Variants in DMD observed in about 807,000 individuals in gnomAD.
The protein encoded by DMD is mutant dystrophin.
Under a neutral mutation model 330.1 loss-of-function variants are expected in DMD, and 63 were observed. The observed-to-expected ratio is 0.19, with a 90% confidence interval of 0.16 to 0.24. The LOEUF (loss-of-function observed/expected upper bound fraction) is 0.24, where lower values mean the gene tolerates loss of function less well. Among genes scored for constraint, DMD ranks in the 10% least tolerant of loss-of-function variants. The pLI, the probability that DMD is intolerant of heterozygous loss-of-function variation, is 1.00. For synonymous variants in DMD, 1,223 were observed against 959.8 expected, an observed-to-expected ratio of 1.27 and a Z score of -5.07; for missense variants, 3,344 against 2,684.1, an observed-to-expected ratio of 1.25 and a Z score of -5.43.
At chrX:32,016,155 T>C (rs150091884) in intron 44 of DMD, among the ~76,000 whole-genome samples, 90 of 112,106 alleles carry the variant, frequency 8.0e-4, no homozygotes, top group Non-Finnish European at 6.2e-4. Context: ...CATGAAATCT[T>C]AAAGAAGAGA....
intron 22 of DMD, among the ~76,000 whole-genome samples, chrX:32,471,874 T>C (rs2040667667): frequency 8.9e-6 from 1 of 111,995 alleles, no homozygotes; most frequent in Admixed American, 9.5e-5. Context: ...CAATGGTTTT[T>C]CTAATAATCA....
At chrX:32,364,291 G>T (rs2097846936) in intron 36 of DMD, among the ~76,000 whole-genome samples, 1 of 112,045 alleles carries the variant, frequency 8.9e-6, no homozygotes, top group Non-Finnish European at 1.9e-5. Context: ...ATTGACAAAG[G>T]CAGAAATTTG....
At chrX:31,901,938 A>AT (rs11327313) in intron 47 of DMD, among the ~76,000 whole-genome samples, 1 of 110,677 alleles carries the variant, frequency 9.0e-6, no homozygotes, top group Non-Finnish European at 1.9e-5. Context: ...CATTCTTATC[A>AT]TTTTTTTATG....
intron 44 of DMD, among the ~76,000 whole-genome samples, chrX:32,016,693 T>C (rs1395730449): frequency 8.9e-6 from 1 of 112,447 alleles, no homozygotes; most frequent in East Asian, 2.8e-4. Context: ...TGATCATCAG[T>C]GATCATTTCA....
intron 2 of DMD, among the ~76,000 whole-genome samples, chrX:32,895,100 C>T (rs1038470040): frequency 4.5e-5 from 5 of 111,733 alleles, no homozygotes; most frequent in Non-Finnish European, 7.5e-5. Flanking sequence ...TTTCTTTACA[C>T]GGGCCACCGG....
At chrX:32,731,722 T>A (rs945067431) in intron 7 of DMD, among the ~76,000 whole-genome samples, 1 of 111,508 alleles carries the variant, frequency 9.0e-6, no homozygotes, top group Admixed American at 9.5e-5. Flanking sequence ...GAAGGAAAAC[T>A]AACAAACAGA....
chrX:32,820,130 C>T (rs983839560), intron 5 of DMD, among the ~76,000 whole-genome samples: 5 of 112,072 alleles, frequency 4.5e-5, no homozygotes, highest in Admixed American at 9.5e-5. Flanking sequence ...ATTGCAAAAG[C>T]GCCTCCACAT....
At chrX:32,927,456 C>A (rs1356678851) in intron 2 of DMD, among the ~76,000 whole-genome samples, 1 of 101,615 alleles carries the variant, frequency 9.8e-6, no homozygotes, top group African/African-American at 3.7e-5. Context: ...ACAACCTCCG[C>A]CTTTTAGTGG....
At chrX:31,425,266 C>G (rs2063636694) in intron 60 of DMD, among the ~76,000 whole-genome samples, 1 of 112,316 alleles carries the variant, frequency 8.9e-6, no homozygotes, top group African/African-American at 3.2e-5. Flanking sequence ...GGCACTTTTT[C>G]TACAATGGCT....
intron 45 of DMD, among the ~76,000 whole-genome samples, chrX:31,963,748 A>G (rs1465592161): frequency 9.3e-6 from 1 of 107,607 alleles, no homozygotes; most frequent in Non-Finnish European, 1.9e-5. Context: ...ATAAATAAAA[A>G]TTTATGAGTC....
At chrX:32,400,053 C>T (rs1457694984) in intron 30 of DMD, among the ~76,000 whole-genome samples, 3 of 111,404 alleles carry the variant, frequency 2.7e-5, no homozygotes, top group Non-Finnish European at 5.7e-5. Flanking sequence ...AAAGGGAATG[C>T]TTCCGGTTTT....
chrX:31,293,218 T>TGTGGTCTGGTTTA (rs1569519895), intron 62 of DMD, among the ~76,000 whole-genome samples: 1 of 95,879 alleles, frequency 1.0e-5, no homozygotes, highest in African/African-American at 4.4e-5. Flanking sequence ...TGTGTGTGTG[T>TGTGGTCTGGTTTA]GTGTGTGTGT....
intron 45 of DMD, among the ~76,000 whole-genome samples, chrX:31,939,358 C>T (rs1198561190): frequency 8.9e-6 from 1 of 111,758 alleles, no homozygotes; most frequent in Non-Finnish European, 1.9e-5. Context: ...GATAATATAT[C>T]AAGATTTCTC....
At chrX:31,203,318 A>AT (rs1234100473) in intron 67 of DMD, among the ~76,000 whole-genome samples, 2 of 108,376 alleles carry the variant, frequency 1.8e-5, no homozygotes, top group Non-Finnish European at 3.8e-5. Flanking sequence ...AAGAGAAAAA[A>AT]AAATTAGAAC....
chrX:32,050,830 T>C (rs2096105995), intron 44 of DMD, among the ~76,000 whole-genome samples: 1 of 111,339 alleles, frequency 9.0e-6, no homozygotes, highest in Non-Finnish European at 1.9e-5. Context: ...TAAAAACACA[T>C]TGAATTTCTT....
chrX:31,962,600 T>C (rs1368482440), intron 45 of DMD, among the ~76,000 whole-genome samples: 2 of 112,031 alleles, frequency 1.8e-5, no homozygotes, highest in East Asian at 5.6e-4. Context: ...AATATAGTAA[T>C]GAGTGCCTAG....
At chrX:31,156,976 T>TC (rs1406896352) in intron 74 of DMD, among the ~76,000 whole-genome samples, 7 of 112,111 alleles carry the variant, frequency 6.2e-5, no homozygotes, top group African/African-American at 2.3e-4. Context: ...TGTGCCTTAG[T>TC]AAAGTTTATC....
chrX:32,395,606 C>G (rs901178246), intron 30 of DMD, among the ~76,000 whole-genome samples: 1 of 111,580 alleles, frequency 9.0e-6, no homozygotes, highest in Non-Finnish European at 1.9e-5. Flanking sequence ...AACCCATGCT[C>G]TGTGATCAGA....
At chrX:32,243,483 G>A (rs915393200) in intron 43 of DMD, among the ~76,000 whole-genome samples, 2 of 111,914 alleles carry the variant, frequency 1.8e-5, no homozygotes, top group Non-Finnish European at 3.8e-5. Context: ...TGAGAGGAAG[G>A]ACATATTTGA....
Sources: allele counts gnomAD v4.1 joint callset (sites outside exome capture counted in the v4.1 genomes callset), GRCh38; gene constraint gnomAD v4.1.1; transcripts MANE v1.5; gene names NCBI Gene and HGNC (gene_info 2026-07-23, HGNC 2026-07-21).